SIRT1: variants seen among roughly 807,000 people sequenced by gnomAD.
SIRT1 encodes the protein NAD-dependent protein deacetylase sirtuin-1.
In SIRT1, 24 loss-of-function variants were observed where a neutral mutation model predicts 67.9. The observed-to-expected ratio is 0.35, with a 90% CI of 0.26 to 0.50. The LOEUF (loss-of-function observed/expected upper bound fraction) is 0.50. Among genes scored for constraint, SIRT1 ranks in the 20% least tolerant of loss-of-function variants. SIRT1 has a pLI of 0.98. For synonymous variants in SIRT1, 378 were observed against 350.7 expected (o/e 1.08, Z -0.87); for missense variants, 873 against 937.2 (o/e 0.93, Z 0.89).
chr10:67,884,779 G>A lies in SIRT1; in HGVS notation c.58G>A (p.Ala20Thr). 2 of 1,226,800 alleles carry A rather than the reference G, an allele frequency of 1.6e-6. No homozygotes were observed. The highest frequency in any genetic ancestry group is 2.0e-6 in the Non-Finnish European group (2 of 984,648). 76.0% of individuals were successfully genotyped at this position (1,226,800 alleles called of 1,614,324 possible). A position where few individuals can be genotyped will look rare whatever the true frequency, so the allele number is the denominator to read the frequency against. The change falls in exon 1 of 9, where the codon GCC becomes ACC. Residue 20 changes from alanine to threonine, a missense_variant. Around this residue, in one of 3 missense-constraint regions of SIRT1, gnomAD observed 327 missense variants for 283.9 expected, o/e 1.15. Coordinates refer to ENST00000212015, the MANE Select transcript of SIRT1 (RefSeq NM_012238.5). Reference protein sequence around the residue: ...QPGGSPSAAGADREAASSPAG... With the variant: ...QPGGSPSAAGTDREAASSPAG... ...CGGCGGCTCCCCCTCGGCGGCGGGG[G>A]CCGACAGGGAGGCCGCGTCGTCCCC...
chr10:67,911,635 C>G (rs1842900392), intron 7 of SIRT1, among the ~76,000 whole-genome samples: 2 of 124,102 alleles, frequency 1.6e-5, no homozygotes, highest in Non-Finnish European at 3.3e-5. Flanking sequence ...TCCCTCCCTT[C>G]CGTTTGTCCT....
At chr10:67,901,034 C>A (rs1030269028) in intron 4 of SIRT1, among the ~76,000 whole-genome samples, 1 of 152,078 alleles carries the variant, frequency 6.6e-6, no homozygotes, top group Admixed American at 6.6e-5. Flanking sequence ...TAGTCTTAGT[C>A]ATTTGGTTCG....
rs1451933543 is a variant in SIRT1, at chr10:67,917,842, GCTT to G, written c.*1252_*1254del. 6.6e-6 allele frequency: 1 copy of G among 152,560 alleles called. No individual in the cohort carries two copies. Among genetic ancestry groups the G allele is most frequent in the Non-Finnish European group, 1.5e-5 (1 of 68,020 alleles). 9.5% of individuals were successfully genotyped at this position (152,560 alleles called of 1,614,324 possible). On this transcript the variant is annotated 3_prime_UTR_variant, in exon 9 of 9. Transcript: ENST00000212015. The stretch of plus-strand genomic sequence containing the variant: ...GAGATCAACTTTCTCAGCTGCAAAA[GCTT>G]CTAGTCTTTCAAGAAGTTCATACTT...
chr10:67,906,131 C>T (rs1842817319), intron 4 of SIRT1: 3 of 1,289,954 alleles, frequency 2.3e-6, no homozygotes, highest in Non-Finnish European at 3.0e-6. Context: ...ATCTTTTTGC[C>T]ATGTGTATAT....
chr10:67,906,802 G>A lies in SIRT1; in HGVS notation c.955G>A (p.Gly319Arg), dbSNP rs1842826871. 2 of 1,611,602 alleles carry A rather than the reference G, an allele frequency of 1.2e-6. No homozygotes were observed. The highest frequency in any genetic ancestry group is 1.7e-6 in the Non-Finnish European group (2 of 1,179,234). ...FFKFAKEIYP[G>R]QFQPSLCHKF... is the part of the protein sequence containing the mutation. ...TTGCTTGATACAGGAAATATATCCT[G>A]GACAATTCCAGCCATCTCTCTGTCA... Residue 319 changes from glycine (G) to arginine (R), a missense_variant, in exon 5 of 9, where the codon GGA becomes AGA. By Grantham distance (125) the Gly-to-Arg change is moderately radical (BLOSUM62 -2). Transcript: ENST00000212015.
chr10:67,905,440 G>A (rs937068711), intron 4 of SIRT1, among the ~76,000 whole-genome samples: 3 of 152,216 alleles, frequency 2.0e-5, no homozygotes, highest in Non-Finnish European at 4.4e-5. Flanking sequence ...CTAAGGCAAC[G>A]TTTTTGGATT....
intron 4 of SIRT1, among the ~76,000 whole-genome samples, chr10:67,904,178 G>GGGTGACGGATCACCC (rs1842787351): frequency 1.4e-5 from 2 of 147,788 alleles, no homozygotes; most frequent in Non-Finnish European, 3.0e-5. Context: ...CCAGGCTGGA[G>GGGTGACGGATCACCC]AGCAGTGATA....
intron 1 of SIRT1, among the ~76,000 whole-genome samples, chr10:67,887,193 G>A (rs959446620): frequency 2.6e-5 from 4 of 152,114 alleles, no homozygotes; most frequent in African/African-American, 9.7e-5. Flanking sequence ...TTTTTAAGTA[G>A]ACTTAATTTA....
Position 67,909,220 on chromosome 10 carries a change from G to C in SIRT1, c.1171-36G>C, listed in dbSNP as rs1842864107. ...TATTTCTAACTTGGGCTTACTCTTT[G>C]CTTCTCTACCTCAACCAAAATCTGA... On this transcript the variant is annotated intron_variant, in intron 6 of 8. Transcript: ENST00000212015. The C allele has an allele frequency of 2.7e-6, 4 of 1,480,926 alleles. No homozygotes were observed. In the African/African-American group the frequency reaches 5.6e-5, roughly 21 times the overall value. 91.7% of individuals were successfully genotyped at this position (1,480,926 alleles called of 1,614,324 possible). A position where few individuals can be genotyped will look rare whatever the true frequency, so the allele number is the denominator to read the frequency against.
chr10:67,892,145 C>T (rs1444891290), intron 4 of SIRT1, among the ~76,000 whole-genome samples: 1 of 151,954 alleles, frequency 6.6e-6, no homozygotes. Context: ...TTTAGAGATC[C>T]AGTATGGAAA....
At chr10:67,885,477 G>C in intron 1 of SIRT1, 1 of 1,032,144 alleles carries the variant, frequency 9.7e-7, no homozygotes, top group Non-Finnish European at 1.2e-6. Context: ...TTTTGTTAGA[G>C]CTTTTTTTTT....
At chr10:67,911,621 T>G (rs967606875) in intron 7 of SIRT1, among the ~76,000 whole-genome samples, 1 of 27,374 alleles carries the variant, frequency 3.7e-5, no homozygotes. Flanking sequence ...CCCCCTCCCC[T>G]CCCTCCCTCC....
intron 7 of SIRT1, among the ~76,000 whole-genome samples, chr10:67,911,962 CCATGTTGGT>C (rs1227107734): frequency 5.9e-5 from 9 of 152,070 alleles, no homozygotes; most frequent in Non-Finnish European, 1.0e-4. Flanking sequence ...TGGGGTTTCA[CCATGTTGGT>C]CGGGTTGGTC....
At chr10:67,908,197 T>G in intron 6 of SIRT1, 72 bp downstream of exon 6, 1 of 1,262,626 alleles carries the variant, frequency 7.9e-7, no homozygotes, top group Non-Finnish European at 1.1e-6. Context: ...CAAAATCCTT[T>G]TTTACCCCTT....
In SIRT1 at chr10:67,895,367, G is replaced by A. The variant is rs77428597; in HGVS notation, c.942+3813G>A. 6.6e-5 allele frequency among the ~76,000 whole-genome samples: 10 copies of A among 152,300 alleles called. No homozygotes were observed. The East Asian group carries it at 1.9e-3, about 29-fold the overall frequency. ...GAAGCCAGGAGGTGGAGGTTGCAGTGAGCCGAAAGCGCTTAAGGAGAAATA... is the reference window on the plus strand; with the variant it reads ...GAAGCCAGGAGGTGGAGGTTGCAGTAAGCCGAAAGCGCTTAAGGAGAAATA... On this transcript the variant is annotated intron_variant, in intron 4 of 8. Coordinates refer to ENST00000212015, the MANE Select transcript of SIRT1 (RefSeq NM_012238.5).
Position 67,911,398 on chromosome 10 carries a change from G to T in SIRT1, c.1358-1076G>T, listed in dbSNP as rs146375487. 3.9e-5 allele frequency among the ~76,000 whole-genome samples: 6 copies of T among 151,988 alleles called. No individual in the cohort carries two copies. The East Asian group carries it at 1.2e-3, about 30-fold the overall frequency. On this transcript the variant is annotated intron_variant, in intron 7 of 8. Coordinates refer to ENST00000212015, the MANE Select transcript of SIRT1 (RefSeq NM_012238.5). ...TTGTAGAAACGGGATTCACTTTGTT[G>T]CCCAGGCTGGTCACAAACTCCTGGC...
At chr10:67,900,988 A>T (rs887572735) in intron 4 of SIRT1, among the ~76,000 whole-genome samples, 1 of 152,212 alleles carries the variant, frequency 6.6e-6, no homozygotes, top group Admixed American at 6.5e-5. Flanking sequence ...AGCCTTTAGT[A>T]GTCCCATGAA....
rs768902657 is a variant in SIRT1, at chr10:67,912,738, C to G, written c.1622C>G (p.Pro541Arg). 1 of 1,614,080 alleles carries G rather than the reference C, an allele frequency of 6.2e-7. No homozygotes were observed. Among genetic ancestry groups the G allele is most frequent in the South Asian group, 1.1e-5 (1 of 91,082 alleles). ...CATGTTTCAGAAGACTCAAGTTCAC[C>G]AGAAAGAACTTCACCACCAGATTCT... ...PLHVSEDSSS[P>R]ERTSPPDSSV... Residue 541 changes from proline to arginine, a missense_variant, in exon 8 of 9, where the codon CCA becomes CGA. Around this residue, in one of 3 missense-constraint regions of SIRT1, gnomAD observed 295 missense variants for 294.5 expected, o/e 1.00. Coordinates refer to ENST00000212015, the MANE Select transcript of SIRT1 (RefSeq NM_012238.5).
intron 4 of SIRT1, among the ~76,000 whole-genome samples, chr10:67,894,916 G>A (rs1842629089): frequency 1.3e-5 from 2 of 152,188 alleles, no homozygotes; most frequent in Admixed American, 6.5e-5. Flanking sequence ...GCAAGGACGT[G>A]TCTCGTCGTG....
Sources: allele counts gnomAD v4.1 joint callset (sites outside exome capture counted in the v4.1 genomes callset), GRCh38; gene constraint gnomAD v4.1.1; regional missense constraint gnomAD v4.1.1; transcripts MANE v1.5; gene names NCBI Gene and HGNC (gene_info 2026-07-23, HGNC 2026-07-21).